Variants in FAF1 observed in about 807,000 individuals in gnomAD.
FAF1 encodes FAS-associated factor 1.
Under a neutral mutation model 92.5 loss-of-function variants are expected in FAF1, and 25 were observed. The observed-to-expected ratio is 0.27, with a 90% CI of 0.20 to 0.38. FAF1 has a LOEUF of 0.38. FAF1 is among the 10% of genes least tolerant of loss of function. The pLI is 1.00. For missense variants in FAF1, 636 were observed against 793.3 expected (o/e 0.80, Z 2.38); for synonymous variants, 234 against 273.2 (o/e 0.86, Z 1.42).
chr1:50,687,906 C>T (rs771645230), intron 7 of FAF1, among the ~76,000 whole-genome samples: 19 of 151,750 alleles, frequency 1.3e-4, no homozygotes, highest in Non-Finnish European at 2.1e-4. Flanking sequence ...GAGGCCAAGG[C>T]GGGCGGATCA....
intron 13 of FAF1, among the ~76,000 whole-genome samples, chr1:50,548,271 C>T (rs1409543353): frequency 6.6e-6 from 1 of 152,038 alleles, no homozygotes; most frequent in Non-Finnish European, 1.5e-5. Flanking sequence ...TAGTATATTA[C>T]TGGGGCCTAC....
chr1:50,765,106 G>A (rs1254328032), intron 4 of FAF1, among the ~76,000 whole-genome samples: 1 of 152,096 alleles, frequency 6.6e-6, no homozygotes, highest in East Asian at 1.9e-4. Context: ...ATTTTCCAGG[G>A]CATAGTGACA....
At chr1:50,931,076 A>G (rs765181790) in intron 1 of FAF1, among the ~76,000 whole-genome samples, 1 of 152,208 alleles carries the variant, frequency 6.6e-6, no homozygotes, top group Non-Finnish European at 1.5e-5. Context: ...TGCTTCTCTT[A>G]TACGAAATAT....
intron 1 of FAF1, among the ~76,000 whole-genome samples, chr1:50,952,407 G>C (rs1645223002): frequency 6.6e-6 from 1 of 152,246 alleles, no homozygotes; most frequent in Non-Finnish European, 1.5e-5. Flanking sequence ...CGCTCACTCA[G>C]TGCTCAATGT....
intron 1 of FAF1, among the ~76,000 whole-genome samples, chr1:50,950,300 A>G (rs886077151): frequency 1.4e-4 from 21 of 152,256 alleles, no homozygotes; most frequent in African/African-American, 4.6e-4. Context: ...ATGGAGGTGT[A>G]ACCACATATT....
At chr1:50,696,951 T>C (rs1027682946) in intron 7 of FAF1, among the ~76,000 whole-genome samples, 4 of 152,238 alleles carry the variant, frequency 2.6e-5, no homozygotes, top group African/African-American at 9.6e-5. Context: ...GAAAGATTAT[T>C]ACCACAATTC....
At chr1:50,501,972 CA>C (rs1385394507) in intron 15 of FAF1, among the ~76,000 whole-genome samples, 1 of 152,166 alleles carries the variant, frequency 6.6e-6, no homozygotes, top group East Asian at 1.9e-4. Context: ...TATCCATCAA[CA>C]GGTGAACATT....
At chr1:50,516,966 G>C (rs1189167127) in intron 15 of FAF1, among the ~76,000 whole-genome samples, 1 of 152,146 alleles carries the variant, frequency 6.6e-6, no homozygotes, top group African/African-American at 2.4e-5. Context: ...GCAGTGAACA[G>C]ACTCCATAGG....
intron 1 of FAF1, among the ~76,000 whole-genome samples, chr1:50,949,435 C>T (rs1011284612): frequency 2.0e-5 from 3 of 152,190 alleles, no homozygotes; most frequent in African/African-American, 4.8e-5. Context: ...AGTAGCAGCC[C>T]GAAGCTGTGA....
chr1:50,918,012 T>C (rs926576742), intron 1 of FAF1, among the ~76,000 whole-genome samples: 4 of 152,032 alleles, frequency 2.6e-5, no homozygotes, highest in Admixed American at 1.3e-4. Flanking sequence ...TTAAGAATGA[T>C]TGAGACTATG....
intron 1 of FAF1, among the ~76,000 whole-genome samples, chr1:50,860,229 T>C (rs1307813459): frequency 6.6e-6 from 1 of 151,844 alleles, no homozygotes; most frequent in Non-Finnish European, 1.5e-5. Flanking sequence ...CAAAATCAAC[T>C]GCAACCAAAA....
intron 6 of FAF1, among the ~76,000 whole-genome samples, chr1:50,722,165 A>T (rs1238406027): frequency 6.6e-6 from 1 of 152,186 alleles, no homozygotes; most frequent in East Asian, 1.9e-4. Context: ...CGCTTCATCC[A>T]TTCACTTAAA....
intron 15 of FAF1, among the ~76,000 whole-genome samples, chr1:50,533,716 G>C (rs1648312193): frequency 6.6e-6 from 1 of 152,044 alleles, no homozygotes; most frequent in African/African-American, 2.4e-5. Flanking sequence ...ACGTGTTCTA[G>C]GGAAATCTTT....
intron 1 of FAF1, among the ~76,000 whole-genome samples, chr1:50,918,848 G>C (rs1644940973): frequency 6.8e-6 from 1 of 146,054 alleles, no homozygotes; most frequent in South Asian, 2.2e-4. Flanking sequence ...ATCCTCTCCA[G>C]CACCTGTTGT....
chr1:50,645,272 A>C (rs1654528970), intron 8 of FAF1, among the ~76,000 whole-genome samples: 1 of 152,252 alleles, frequency 6.6e-6, no homozygotes, highest in South Asian at 2.1e-4. Flanking sequence ...TAAATAGCAT[A>C]AGATGACCCT....
chr1:50,618,303 T>C (rs112773214), intron 8 of FAF1, among the ~76,000 whole-genome samples: 2,031 of 152,248 alleles, frequency 0.013, 15 homozygotes, highest in Middle Eastern at 0.058. Context: ...CTCTTAACAC[T>C]GCTTTAGCTG....
intron 2 of FAF1, among the ~76,000 whole-genome samples, chr1:50,824,820 A>G (rs1048381936): frequency 2.6e-5 from 4 of 152,158 alleles, no homozygotes; most frequent in South Asian, 2.1e-4. Context: ...AATGAAGAAC[A>G]TTATATTAAG....
At chr1:50,586,841 A>C (rs1312518882) in intron 9 of FAF1, among the ~76,000 whole-genome samples, 1 of 152,220 alleles carries the variant, frequency 6.6e-6, no homozygotes, top group Non-Finnish European at 1.5e-5. Context: ...AGTTGCCTTT[A>C]AATTTGAGGC....
intron 18 of FAF1, among the ~76,000 whole-genome samples, chr1:50,455,261 A>T (rs975093010): frequency 2.0e-5 from 3 of 152,230 alleles, no homozygotes; most frequent in Admixed American, 6.5e-5. Context: ...AGAAGGATTT[A>T]AAAAATCTTA....
Sources: gnomAD v4.1 joint callset for allele counts (sites outside exome capture counted in the v4.1 genomes callset) on GRCh38, gnomAD v4.1.1 for gene constraint, MANE v1.5 for transcripts, NCBI Gene and HGNC (gene_info 2026-07-23, HGNC 2026-07-21) for gene names.